GRID2: variants seen among roughly 807,000 people sequenced by gnomAD.
The protein encoded by GRID2 is glutamate receptor ionotropic, delta-2.
In GRID2, 33 loss-of-function variants were observed where a neutral mutation model predicts 114.8. The observed-to-expected ratio is 0.29, with a 90% confidence interval of 0.22 to 0.38. The LOEUF (loss-of-function observed/expected upper bound fraction) is 0.38. Among genes scored for constraint, GRID2 ranks in the 10% least tolerant of loss-of-function variants. The probability of loss-of-function intolerance (pLI) is 1.00; values close to 1 mark genes in which losing one functional copy is unlikely to be tolerated. For missense variants in GRID2, 1,184 were observed against 1,257.7 expected, an observed-to-expected ratio of 0.94 and a Z score of 0.89; for synonymous variants, 505 against 449.9, an observed-to-expected ratio of 1.12 and a Z score of -1.55.
At chr4:92,596,475 T>C (rs1728960720) in intron 2 of GRID2, among the ~76,000 whole-genome samples, 1 of 152,028 alleles carries the variant, frequency 6.6e-6, no homozygotes, top group Non-Finnish European at 1.5e-5. Flanking sequence ...AAACCCCCTG[T>C]TTTCCTCTAT....
At chr4:92,592,675 A>G (rs1728759540) in intron 2 of GRID2, among the ~76,000 whole-genome samples, 1 of 152,120 alleles carries the variant, frequency 6.6e-6, no homozygotes, top group African/African-American at 2.4e-5. Context: ...TGATACTAAC[A>G]GGATGTTCTC....
chr4:93,315,991 C>T (rs575150426), intron 8 of GRID2, among the ~76,000 whole-genome samples: 1 of 152,100 alleles, frequency 6.6e-6, no homozygotes, highest in African/African-American at 2.4e-5. Flanking sequence ...GATAATCAAA[C>T]TAAGAATGTA....
chr4:92,681,365 C>G (rs2149284528), intron 2 of GRID2, among the ~76,000 whole-genome samples: 1 of 152,228 alleles, frequency 6.6e-6, no homozygotes, highest in South Asian at 2.1e-4. Flanking sequence ...ACCCATAGAA[C>G]TCATTGTTCA....
chr4:93,580,184 C>G (rs1736824492), intron 13 of GRID2, among the ~76,000 whole-genome samples: 1 of 152,142 alleles, frequency 6.6e-6, no homozygotes, highest in African/African-American at 2.4e-5. Flanking sequence ...CAGTGAAGTG[C>G]TGCCAGCATT....
At chr4:92,779,813 C>T (rs187746003) in intron 2 of GRID2, among the ~76,000 whole-genome samples, 2 of 152,208 alleles carry the variant, frequency 1.3e-5, no homozygotes, top group East Asian at 1.9e-4. Context: ...GAAGAAAATA[C>T]ACATTGGATT....
At chr4:93,592,947 G>A (rs1264885300) in intron 13 of GRID2, among the ~76,000 whole-genome samples, 1 of 150,962 alleles carries the variant, frequency 6.6e-6, no homozygotes, top group Non-Finnish European at 1.5e-5. Flanking sequence ...GAGCCTATGT[G>A]TGTCTCTGCA....
chr4:93,492,630 A>G (rs1488436365), intron 12 of GRID2, among the ~76,000 whole-genome samples: 1 of 151,924 alleles, frequency 6.6e-6, no homozygotes, highest in African/African-American at 2.4e-5. Flanking sequence ...ATGTAGGCAT[A>G]TATCCCAACA....
intron 1 of GRID2, among the ~76,000 whole-genome samples, chr4:92,589,513 T>G (rs1728610778): frequency 6.6e-6 from 1 of 152,182 alleles, no homozygotes; most frequent in African/African-American, 2.4e-5. Flanking sequence ...GGATAAAAAA[T>G]GCTATAATTA....
intron 13 of GRID2, among the ~76,000 whole-genome samples, chr4:93,602,488 A>T (rs1455651222): frequency 6.6e-6 from 1 of 152,220 alleles, no homozygotes; most frequent in East Asian, 1.9e-4. Flanking sequence ...TTTGGTAATG[A>T]TCACAAAGTT....
chr4:93,303,768 C>T (rs1176906430), intron 8 of GRID2, among the ~76,000 whole-genome samples: 2 of 151,650 alleles, frequency 1.3e-5, no homozygotes, highest in Admixed American at 6.6e-5. Flanking sequence ...TCCATCTAAA[C>T]TTACCAACTA....
chr4:92,833,199 C>T (rs1169242404), intron 2 of GRID2, among the ~76,000 whole-genome samples: 2 of 152,190 alleles, frequency 1.3e-5, no homozygotes, highest in African/African-American at 4.8e-5. Context: ...AGACTGTCAA[C>T]ATACTTCCAG....
intron 2 of GRID2, among the ~76,000 whole-genome samples, chr4:92,846,928 G>A (rs1743370674): frequency 6.6e-6 from 1 of 152,202 alleles, no homozygotes; most frequent in Non-Finnish European, 1.5e-5. Flanking sequence ...GATGAGCCCT[G>A]AATCCTAAGG....
chr4:93,193,274 T>C (rs903247379), intron 4 of GRID2, among the ~76,000 whole-genome samples: 2 of 152,078 alleles, frequency 1.3e-5, no homozygotes, highest in African/African-American at 4.8e-5. Context: ...CATTATCAAA[T>C]AGATCATTTG....
intron 2 of GRID2, among the ~76,000 whole-genome samples, chr4:92,721,202 A>G (rs1365006853): frequency 1.3e-5 from 2 of 152,128 alleles, no homozygotes; most frequent in African/African-American, 4.8e-5. Context: ...TTCAGTTTGG[A>G]AAGATGAAGG....
intron 2 of GRID2, among the ~76,000 whole-genome samples, chr4:92,936,382 T>C (rs1300976999): frequency 2.0e-5 from 3 of 146,762 alleles, no homozygotes; most frequent in Non-Finnish European, 4.5e-5. Context: ...CGCCATTAAT[T>C]ATACTGCCTA....
chr4:93,600,479 A>G (rs1018479651), intron 13 of GRID2, among the ~76,000 whole-genome samples: 2 of 152,208 alleles, frequency 1.3e-5, no homozygotes, highest in African/African-American at 2.4e-5. Flanking sequence ...AATTAACATC[A>G]TTAGCCACCA....
chr4:92,903,527 A>G (rs1747735280), intron 2 of GRID2, among the ~76,000 whole-genome samples: 1 of 152,000 alleles, frequency 6.6e-6, no homozygotes, highest in African/African-American at 2.4e-5. Context: ...CCACAGGAAT[A>G]AATTTCAAAT....
intron 4 of GRID2, among the ~76,000 whole-genome samples, chr4:93,160,125 T>C (rs1015253267): frequency 1.3e-5 from 2 of 151,726 alleles, no homozygotes; most frequent in African/African-American, 4.8e-5. Context: ...AAAATACATA[T>C]TCTGTTCCAC....
At chr4:93,246,528 A>G (rs1748226731) in intron 8 of GRID2, among the ~76,000 whole-genome samples, 1 of 151,364 alleles carries the variant, frequency 6.6e-6, no homozygotes, top group South Asian at 2.1e-4. Flanking sequence ...CAGAGCTTGC[A>G]GTGAGCCGAG....
Sources: gnomAD v4.1 joint callset for allele counts (sites outside exome capture counted in the v4.1 genomes callset) on GRCh38, gnomAD v4.1.1 for gene constraint, MANE v1.5 for transcripts, NCBI Gene and HGNC (gene_info 2026-07-23, HGNC 2026-07-21) for gene names.